Variants in CFAP161 observed in about 807,000 individuals in gnomAD.
The protein encoded by CFAP161 is cilia and flagella associated protein 161, also known as cilia- and flagella-associated protein 161.
Under a neutral mutation model 29.0 loss-of-function variants are expected in CFAP161, and 25 were observed. That is an observed-to-expected ratio of 0.86 (90% CI 0.63 to 1.20). CFAP161 has a LOEUF of 1.20. Ranked by LOEUF, CFAP161 falls within the 50% of genes most tolerant of loss-of-function variation. The probability of loss-of-function intolerance (pLI) is 0.00; values close to 1 mark genes in which losing one functional copy is unlikely to be tolerated. For missense variants in CFAP161, 367 were observed against 371.9 expected (o/e 0.99, Z 0.11); for synonymous variants, 116 against 137.4 (o/e 0.84, Z 1.09).
chr15:81,106,423 G>A (rs1894373867), intron 1 of CFAP161, among the ~76,000 whole-genome samples: 1 of 152,156 alleles, frequency 6.6e-6, no homozygotes, highest in Non-Finnish European at 1.5e-5. Context: ...GCCTACCTCG[G>A]CCTCCCAAAG....
intron 1 of CFAP161, among the ~76,000 whole-genome samples, chr15:81,112,730 C>A (rs940685926): frequency 6.6e-6 from 1 of 152,058 alleles, no homozygotes; most frequent in South Asian, 2.1e-4. Flanking sequence ...AACTAGAGGA[C>A]CACTGCTGAG....
At chr15:81,104,446 A>G (rs748096176) in intron 1 of CFAP161, among the ~76,000 whole-genome samples, 1 of 152,202 alleles carries the variant, frequency 6.6e-6, no homozygotes. Flanking sequence ...AAGTTCTGGC[A>G]GCTACTTTAA....
intron 1 of CFAP161, among the ~76,000 whole-genome samples, chr15:81,104,488 G>A (rs981503841): frequency 2.6e-5 from 4 of 152,220 alleles, no homozygotes; most frequent in African/African-American, 9.6e-5. Context: ...GAGCTGCAAG[G>A]AAGGTATCCT....
chr15:81,127,347 G>A (rs1443321952), intron 1 of CFAP161, among the ~76,000 whole-genome samples: 7 of 152,096 alleles, frequency 4.6e-5, no homozygotes. Flanking sequence ...AGATAAGAAT[G>A]CTCACAAACA....
chr15:81,148,603 C>CTTAATTAATAG lies in CFAP161; in HGVS notation c.*70_*71insTTAATTAATAG. On this transcript the variant is annotated 3_prime_UTR_variant, in exon 7 of 7. Coordinates refer to ENST00000286732, the MANE Select transcript of CFAP161 (RefSeq NM_173528.4). The stretch of plus-strand genomic sequence containing the variant: ...ATGTAGCTTTAAAAGAAATTAACAA[C>CTTAATTAATAG]CTTGGTCATGCCTCAAGCTATTTTT... 1 of 1,452,674 alleles carries CTTAATTAATAG rather than the reference C, an allele frequency of 6.9e-7. No homozygotes were observed. The highest frequency in any genetic ancestry group is 2.3e-5 in the East Asian group (1 of 43,346). 90.0% of individuals were successfully genotyped at this position (1,452,674 alleles called of 1,614,324 possible).
intron 1 of CFAP161, among the ~76,000 whole-genome samples, chr15:81,107,702 G>A (rs1894388810): frequency 6.6e-6 from 1 of 152,128 alleles, no homozygotes; most frequent in South Asian, 2.1e-4. Context: ...TCCAGCCTGG[G>A]CAACAAGAGT....
Position 81,134,382 on chromosome 15 carries a change from A to ATG in CFAP161, c.55_56dup (p.Tyr20SerfsTer8). 1 of 1,588,304 alleles carries ATG rather than the reference A, an allele frequency of 6.3e-7. No individual in the cohort carries two copies. Among genetic ancestry groups the ATG allele is most frequent in the Non-Finnish European group, 8.6e-7 (1 of 1,168,338 alleles). ...GTCCGGATAGGCAACTGGAATGAGG[A>ATG]TGTCTACCTGGAGGAGGTACGCAGG... On this transcript the variant is annotated frameshift_variant, in exon 1 of 7. Coordinates refer to ENST00000286732, the MANE Select transcript of CFAP161 (RefSeq NM_173528.4). LOFTEE classifies it high-confidence loss of function.
intron 1 of CFAP161, among the ~76,000 whole-genome samples, chr15:81,115,681 T>A (rs1894488541): frequency 6.6e-6 from 1 of 152,054 alleles, no homozygotes. Flanking sequence ...ACCTAGGCTT[T>A]TGTTTTTCAT....
intron 1 of CFAP161, among the ~76,000 whole-genome samples, chr15:81,119,803 A>G (rs1354788951): frequency 6.6e-6 from 1 of 152,228 alleles, no homozygotes; most frequent in South Asian, 2.1e-4. Context: ...ATGGTGGTTC[A>G]TGCTTGTAAT....
chr15:81,134,190 G>A, upstream of CFAP161: 1 of 1,007,540 alleles, frequency 9.9e-7, no homozygotes, highest in South Asian at 1.7e-5. Flanking sequence ...TCCCGCCCCA[G>A]GGCGAGGGTG....
intron 3 of CFAP161, among the ~76,000 whole-genome samples, chr15:81,137,134 A>G (rs555431955): frequency 6.6e-6 from 1 of 152,214 alleles, no homozygotes; most frequent in South Asian, 2.1e-4. Context: ...GTTTAATACA[A>G]TGTGGCACTA....
rs1427815959 is a variant in CFAP161 at position 81,117,960 on chromosome 15, C to T, written c.-141-9630C>T. 12 of 465,760 alleles carry T rather than the reference C, an allele frequency of 2.6e-5. No homozygotes were observed. In the Admixed American group the frequency reaches 3.6e-4, roughly 14 times the overall value. The allele number at this position is 465,760 out of a possible 1,614,324, so 28.9% of individuals were successfully genotyped here. ...CCTGGTCCTCTGGGTCATAGGTATC[C>T]AAGCAGGTCAGCTGAGGCAGGAGCT... is the stretch of plus-strand genomic sequence containing the variant. On this transcript the variant is annotated intron_variant, in intron 1 of 4. Coordinates refer to the CFAP161 transcript ENST00000560091.
intron 4 of CFAP161, among the ~76,000 whole-genome samples, chr15:81,138,485 A>G (rs1301327596): frequency 1.3e-5 from 2 of 152,240 alleles, no homozygotes; most frequent in Admixed American, 6.5e-5. Flanking sequence ...TGCCAATGCT[A>G]GCAAGGCATA....
chr15:81,102,437 G>A (rs1194328718), intron 1 of CFAP161, among the ~76,000 whole-genome samples: 3 of 152,170 alleles, frequency 2.0e-5, no homozygotes, highest in Admixed American at 6.5e-5. Context: ...GGAGGCCAAG[G>A]CCGGGAGATT....
At chr15:81,134,901 C>T (rs1305785832) in intron 1 of CFAP161, among the ~76,000 whole-genome samples, 3 of 152,166 alleles carry the variant, frequency 2.0e-5, no homozygotes, top group African/African-American at 7.2e-5. Flanking sequence ...CTTAACAAGG[C>T]TTTGAGCCAT....
intron 1 of CFAP161, among the ~76,000 whole-genome samples, chr15:81,125,356 A>T (rs1288732703): frequency 6.6e-6 from 1 of 152,308 alleles, no homozygotes; most frequent in South Asian, 2.1e-4. Flanking sequence ...CAGAAGATAC[A>T]TCTGTTTTCA....
chr15:81,125,962 C>G (rs562762034), intron 1 of CFAP161, among the ~76,000 whole-genome samples: 1 of 152,104 alleles, frequency 6.6e-6, no homozygotes, highest in African/African-American at 2.4e-5. Context: ...CTCCGTCTCC[C>G]GGGTTCAAGT....
chr15:81,136,680 G>A lies in CFAP161; in HGVS notation c.324G>A (p.Glu108=). The A allele has an allele frequency of 6.2e-7, 1 of 1,614,146 alleles. No individual in the cohort carries two copies. Among genetic ancestry groups the A allele is most frequent in the East Asian group, 2.2e-5 (1 of 44,882 alleles). ...EIQSHLKDEL[E]VPCGLSAVQA... ...AGTCCCATCTGAAAGACGAATTAGA[G>A]GTACCCTGTGGCCTGAGCGCAGTTC... is the stretch of plus-strand genomic sequence containing the variant. The change falls in exon 3 of 7, where the codon GAG becomes GAA. Residue 108 remains glutamate, a synonymous_variant. Transcript: ENST00000286732.
intron 1 of CFAP161, among the ~76,000 whole-genome samples, chr15:81,103,851 TC>T (rs1398574422): frequency 6.6e-6 from 1 of 152,112 alleles, no homozygotes; most frequent in Non-Finnish European, 1.5e-5. Context: ...TGACACTATC[TC>T]CGGATAAATA....
Sources: gnomAD v4.1 joint callset for allele counts (sites outside exome capture counted in the v4.1 genomes callset) on GRCh38, gnomAD v4.1.1 for gene constraint, MANE v1.5 for transcripts, NCBI Gene and HGNC (gene_info 2026-07-23, HGNC 2026-07-21) for gene names.